The following CDH11 variants were observed in gnomAD, a reference collection of about 807,000 sequenced individuals.
CDH11 encodes cadherin-11.
Under a neutral mutation model 67.8 loss-of-function variants are expected in CDH11, and 11 were observed. The observed-to-expected ratio is 0.16, with a 90% CI of 0.10 to 0.27. The LOEUF (loss-of-function observed/expected upper bound fraction) is 0.27. Among genes scored for constraint, CDH11 ranks in the 10% least tolerant of loss-of-function variants. The probability of loss-of-function intolerance (pLI) is 1.00; values close to 1 mark genes in which losing one functional copy is unlikely to be tolerated. For synonymous variants in CDH11, 419 were observed against 400.0 expected (o/e 1.05, Z -0.57); for missense variants, 847 against 1,031.2 (o/e 0.82, Z 2.45).
intron 1 of CDH11, among the ~76,000 whole-genome samples, chr16:65,115,335 G>A (rs561141522): frequency 1.3e-5 from 2 of 152,224 alleles, no homozygotes; most frequent in South Asian, 2.1e-4. Flanking sequence ...AAAAAGGCAG[G>A]CACTAATAAA....
rs959175387 is a variant in CDH11 at position 65,005,139 on chromosome 16, G to C, written c.-172-98C>G. Reference sequence around the variant, plus strand: ...TCAGGACTGGGCATGAGTTTATCACGTGGGAGCTACGGGCTTTGGGGAAGC... The same window carrying C: ...TCAGGACTGGGCATGAGTTTATCACCTGGGAGCTACGGGCTTTGGGGAAGC... On this transcript the variant is annotated intron_variant, in intron 2 of 12. Coordinates refer to ENST00000268603, the MANE Select transcript of CDH11 (RefSeq NM_001797.4). The C allele has an allele frequency of 1.8e-5, 20 of 1,121,750 alleles. No homozygotes were observed. The African/African-American group carries it at 3.2e-4, about 18-fold the overall frequency. 69.5% of individuals were successfully genotyped at this position (1,121,750 alleles called of 1,614,324 possible).
chr16:65,003,563 T>A (rs1398798822), intron 3 of CDH11, among the ~76,000 whole-genome samples: 1 of 152,166 alleles, frequency 6.6e-6, no homozygotes, highest in African/African-American at 2.4e-5. Flanking sequence ...GCCGCACATA[T>A]CTTTTTGCAG....
intron 2 of CDH11, among the ~76,000 whole-genome samples, chr16:65,035,559 A>G (rs2073737251): frequency 6.6e-6 from 1 of 152,222 alleles, no homozygotes; most frequent in Non-Finnish European, 1.5e-5. Flanking sequence ...GTTTATAGCT[A>G]TATACTTAAA....
At chr16:65,000,770 C>T (rs2072901145) in intron 3 of CDH11, among the ~76,000 whole-genome samples, 1 of 151,994 alleles carries the variant, frequency 6.6e-6, no homozygotes. Flanking sequence ...GATCTTACCA[C>T]TGTACTCCAG....
intron 1 of CDH11, among the ~76,000 whole-genome samples, chr16:65,067,497 T>TCATA (rs2074333087): frequency 6.6e-6 from 1 of 152,232 alleles, no homozygotes; most frequent in African/African-American, 2.4e-5. Flanking sequence ...TGTTGCTCAT[T>TCATA]CATTCATTCA....
intron 3 of CDH11, among the ~76,000 whole-genome samples, chr16:65,001,286 T>C (rs974791973): frequency 6.6e-6 from 1 of 152,246 alleles, no homozygotes; most frequent in African/African-American, 2.4e-5. Flanking sequence ...GGCTAACACA[T>C]TTCTGATGAA....
chr16:64,988,655 A>C (rs1165365673), intron 6 of CDH11, among the ~76,000 whole-genome samples: 2 of 152,148 alleles, frequency 1.3e-5, no homozygotes, highest in Non-Finnish European at 2.9e-5. Flanking sequence ...AGAACCATGC[A>C]TGTCTTCATT....
intron 7 of CDH11, chr16:64,985,849 C>T (rs990112892): frequency 6.6e-6 from 1 of 150,788 alleles, no homozygotes; most frequent in African/African-American, 2.4e-5. Flanking sequence ...TAGACATCAA[C>T]ACTGCTAAGG....
intron 1 of CDH11, among the ~76,000 whole-genome samples, chr16:65,104,291 T>C (rs1445581288): frequency 1.3e-5 from 2 of 152,084 alleles, no homozygotes; most frequent in Non-Finnish European, 2.9e-5. Context: ...TCAATTTTAG[T>C]AAAGGGAATG....
chr16:65,000,849 C>T (rs1370851447), intron 3 of CDH11, among the ~76,000 whole-genome samples: 1 of 151,420 alleles, frequency 6.6e-6, no homozygotes, highest in Non-Finnish European at 1.5e-5. Context: ...ATAATAAAAA[C>T]TATGATTATT....
intron 12 of CDH11, chr16:64,948,930 T>C (rs917590914): frequency 1.4e-5 from 9 of 635,386 alleles, no homozygotes; most frequent in Middle Eastern, 8.1e-4. Context: ...AAGAAAATGT[T>C]TGTGGCTGAA....
intron 8 of CDH11, among the ~76,000 whole-genome samples, chr16:64,973,594 C>T (rs568354393): frequency 6.6e-6 from 1 of 152,038 alleles, no homozygotes; most frequent in Non-Finnish European, 1.5e-5. Flanking sequence ...TCATTTGAGG[C>T]CAGGAGTTCA....
intron 4 of CDH11, among the ~76,000 whole-genome samples, chr16:64,996,746 G>A (rs982821735): frequency 3.3e-5 from 5 of 152,078 alleles, no homozygotes; most frequent in Admixed American, 6.5e-5. Context: ...GCATCAACAC[G>A]GATGCAGCTG....
intron 1 of CDH11, among the ~76,000 whole-genome samples, chr16:65,089,890 T>A (rs1481717388): frequency 2.0e-5 from 3 of 152,150 alleles, no homozygotes; most frequent in Non-Finnish European, 4.4e-5. Context: ...AGAGCCAACA[T>A]TTTGCATTTA....
At chr16:65,021,876 G>GAAAAAAAAAAA (rs35700448) in intron 2 of CDH11, among the ~76,000 whole-genome samples, 21 of 109,838 alleles carry the variant, frequency 1.9e-4, no homozygotes, top group Non-Finnish European at 2.9e-4. Flanking sequence ...AAGTAACTCA[G>GAAAAAAAAAAA]AAAAAAAAAA....
In CDH11 at chr16:65,024,523, T is replaced by C. The variant is rs570519946; in HGVS notation, c.-172-19482A>G. On this transcript the variant is annotated intron_variant, in intron 2 of 12. Coordinates refer to ENST00000268603, the MANE Select transcript of CDH11 (RefSeq NM_001797.4). ...TCCAATAGGGTAGCAACTAGGCACA[T>C]GTGGCTTTTAAAATTTAAATTAAAT... 8.5e-5 allele frequency among the ~76,000 whole-genome samples: 13 copies of C among 152,328 alleles called. 1 individual carries two copies. The highest frequency in any genetic ancestry group is 2.2e-4 in the African/African-American group (9 of 41,584).
At chr16:64,994,454 G>T (rs1454969758) in intron 4 of CDH11, among the ~76,000 whole-genome samples, 2 of 152,152 alleles carry the variant, frequency 1.3e-5, no homozygotes, top group African/African-American at 4.8e-5. Flanking sequence ...AGGTATAATA[G>T]GTTGCCTGGG....
At chr16:64,982,886 A>G (rs1567507706) in intron 7 of CDH11, 1 of 152,574 alleles carries the variant, frequency 6.6e-6, no homozygotes, top group Non-Finnish European at 1.5e-5. Flanking sequence ...GAGGTTGTCA[A>G]ATGATATTAA....
chr16:64,946,607 G>C lies in CDH11; in HGVS notation c.*996C>G, dbSNP rs946989510. On this transcript the variant is annotated 3_prime_UTR_variant, in exon 13 of 13. Coordinates refer to ENST00000268603, the MANE Select transcript of CDH11 (RefSeq NM_001797.4). ...GCTTTACATGATGTTACAGAATCTT[G>C]TCTGAAAAAACATTTGTAAAACATA... 24 of 1,030,938 alleles carry C rather than the reference G, an allele frequency of 2.3e-5. No individual in the cohort carries two copies. Among genetic ancestry groups the C allele is most frequent in the Non-Finnish European group, 5.8e-6 (5 of 857,262 alleles). 63.9% of individuals were successfully genotyped at this position (1,030,938 alleles called of 1,614,324 possible). A position where few individuals can be genotyped will look rare whatever the true frequency, so the allele number is the denominator to read the frequency against.
Sources: gnomAD v4.1 joint callset for allele counts (sites outside exome capture counted in the v4.1 genomes callset) on GRCh38, gnomAD v4.1.1 for gene constraint, MANE v1.5 for transcripts, NCBI Gene and HGNC (gene_info 2026-07-23, HGNC 2026-07-21) for gene names.